The following MDGA2 variants were observed in gnomAD, a reference collection of about 807,000 sequenced individuals.
MDGA2 encodes MAM domain-containing glycosylphosphatidylinositol anchor protein 2.
MDGA2 carries 40 observed loss-of-function variants against 117.8 expected under a neutral mutation model. The observed-to-expected ratio is 0.34, with a 90% CI of 0.26 to 0.44. The LOEUF (loss-of-function observed/expected upper bound fraction) is 0.44, where lower values mean the gene tolerates loss of function less well. Among genes scored for constraint, MDGA2 ranks in the 20% least tolerant of loss-of-function variants. MDGA2 has a pLI of 1.00. For synonymous variants in MDGA2, 452 were observed against 439.0 expected (o/e 1.03, Z -0.37); for missense variants, 1,123 against 1,250.6 (o/e 0.90, Z 1.54).
At chr14:47,082,696 G>A (rs747040065) in intron 6 of MDGA2, among the ~76,000 whole-genome samples, 1 of 151,926 alleles carries the variant, frequency 6.6e-6, no homozygotes, top group African/African-American at 2.4e-5. Flanking sequence ...TAAAAAATAA[G>A]ACTTGTCAAG....
Position 47,147,504 on chromosome 14 carries a change from G to C in MDGA2, c.596-3230C>G, listed in dbSNP as rs191435902. ...CAAAGGGGCTAAGCCTTTATACACC[G>C]ACCACCTCCCCTATCAACAGGTCAT... On this transcript the variant is annotated intron_variant, in intron 3 of 16. Coordinates refer to ENST00000399232, the MANE Select transcript of MDGA2 (RefSeq NM_001113498.3). Among the ~76,000 whole-genome samples the C allele has an allele frequency of 1.4e-3, 218 of 152,216 alleles. 1 individual carries two copies. The highest frequency in any genetic ancestry group is 4.9e-3 in the African/African-American group (203 of 41,538).
At chr14:46,866,707 C>A (rs1412488522) in intron 14 of MDGA2, among the ~76,000 whole-genome samples, 10 of 150,216 alleles carry the variant, frequency 6.7e-5, no homozygotes, top group African/African-American at 1.5e-4. Context: ...AAAAAAAAAA[C>A]AACCCCATCA....
At chr14:47,448,950 T>C (rs1270807558) in intron 1 of MDGA2, among the ~76,000 whole-genome samples, 1 of 152,138 alleles carries the variant, frequency 6.6e-6, no homozygotes, top group Non-Finnish European at 1.5e-5. Flanking sequence ...AACTGGTTGC[T>C]GATATGAGGA....
intron 7 of MDGA2, among the ~76,000 whole-genome samples, chr14:47,052,236 G>A (rs1041540186): frequency 1.3e-5 from 2 of 151,698 alleles, no homozygotes; most frequent in African/African-American, 4.8e-5. Context: ...AAGAAAGAAG[G>A]GCACAGGAAG....
At chr14:47,577,926 AC>A (rs1270197823) in intron 1 of MDGA2, among the ~76,000 whole-genome samples, 1 of 152,194 alleles carries the variant, frequency 6.6e-6, no homozygotes, top group African/African-American at 2.4e-5. Flanking sequence ...CTGGGTATAT[AC>A]CCAAAGGAAT....
chr14:47,211,400 A>C (rs540186635), intron 3 of MDGA2, among the ~76,000 whole-genome samples: 1 of 152,146 alleles, frequency 6.6e-6, no homozygotes, highest in Non-Finnish European at 1.5e-5. Flanking sequence ...CCTCAAAAGT[A>C]TGTGCTTCCT....
At chr14:47,057,701 C>T (rs1246883694) in intron 7 of MDGA2, among the ~76,000 whole-genome samples, 9 of 149,886 alleles carry the variant, frequency 6.0e-5, no homozygotes, top group Non-Finnish European at 1.5e-5. Flanking sequence ...ATCTGCCTTG[C>T]CTTGCCTTAC....
At chr14:47,400,680 C>T (rs1260817555) in intron 1 of MDGA2, among the ~76,000 whole-genome samples, 1 of 148,150 alleles carries the variant, frequency 6.7e-6, no homozygotes, top group East Asian at 2.0e-4. Context: ...AGCAAGACTC[C>T]GTCTCGAAAC....
At position 47,164,076 on chromosome 14, in the gene MDGA2, T is replaced by C. The variant is rs527538648; in HGVS notation, c.596-19802A>G. 7.2e-5 allele frequency among the ~76,000 whole-genome samples: 11 copies of C among 152,352 alleles called. No homozygotes were observed. The East Asian group carries it at 1.9e-3, about 27-fold the overall frequency. On this transcript the variant is annotated intron_variant, in intron 3 of 16. Coordinates refer to ENST00000399232, the MANE Select transcript of MDGA2 (RefSeq NM_001113498.3). Reference sequence around the variant, plus strand: ...ACTTTTACTTATTTATTTGTTTAGTTAGTAGGTGAGTCAGTAAGTTAGTTG... The same window carrying C: ...ACTTTTACTTATTTATTTGTTTAGTCAGTAGGTGAGTCAGTAAGTTAGTTG...
chr14:47,372,371 A>G (rs1174011159), intron 1 of MDGA2, among the ~76,000 whole-genome samples: 1 of 151,942 alleles, frequency 6.6e-6, no homozygotes, highest in Non-Finnish European at 1.5e-5. Flanking sequence ...GCTCCAATAA[A>G]TTGTAGGAAG....
intron 1 of MDGA2, among the ~76,000 whole-genome samples, chr14:47,469,552 G>A (rs4900770): frequency 0.46 from 69,362 of 151,582 alleles, 16,065 homozygotes; most frequent in East Asian, 0.61. Context: ...CCAGTCTATC[G>A]TTGTTGGACA....
chr14:47,168,335 A>G (rs1300684647), intron 3 of MDGA2, among the ~76,000 whole-genome samples: 1 of 150,832 alleles, frequency 6.6e-6, no homozygotes, highest in Non-Finnish European at 1.5e-5. Context: ...ATTAAATGTC[A>G]GTTTAATTTT....
At chr14:47,360,883 G>A (rs1407978423) in intron 1 of MDGA2, among the ~76,000 whole-genome samples, 2 of 151,992 alleles carry the variant, frequency 1.3e-5, no homozygotes, top group South Asian at 4.1e-4. Context: ...GATACAGAAA[G>A]GAAAAGGTTG....
At chr14:47,080,899 A>C (rs916801348) in intron 6 of MDGA2, among the ~76,000 whole-genome samples, 5 of 152,076 alleles carry the variant, frequency 3.3e-5, no homozygotes, top group African/African-American at 1.2e-4. Context: ...TATATTAAAA[A>C]CCATTATTTC....
intron 3 of MDGA2, among the ~76,000 whole-genome samples, chr14:47,214,343 A>G (rs369786877): frequency 6.6e-6 from 1 of 152,136 alleles, no homozygotes; most frequent in Admixed American, 6.6e-5. Context: ...TATAAAATCT[A>G]CCAGCCTATA....
intron 10 of MDGA2, among the ~76,000 whole-genome samples, chr14:46,896,417 C>T (rs912211504): frequency 1.3e-5 from 2 of 152,104 alleles, no homozygotes; most frequent in Non-Finnish European, 2.9e-5. Flanking sequence ...GTAATATTTT[C>T]TTCTCATAGA....
At position 46,939,637 on chromosome 14, in the gene MDGA2, C is replaced by T. The variant is rs528172517; in HGVS notation, c.2089+17737G>A. ...AGACAGAACAAAATGTTTTAAGGCA[C>T]TTTTGTTGTTAGTTGCTGTATTTGT... On this transcript the variant is annotated intron_variant, in intron 9 of 16. Coordinates refer to ENST00000399232, the MANE Select transcript of MDGA2 (RefSeq NM_001113498.3). Among the ~76,000 whole-genome samples the T allele has an allele frequency of 1.1e-4, 16 of 152,276 alleles. No homozygotes were observed. The South Asian group carries it at 3.1e-3, about 30-fold the overall frequency.
Position 47,390,073 on chromosome 14 carries a change from G to A in MDGA2, c.281-88523C>T, listed in dbSNP as rs1162247415. Among the ~76,000 whole-genome samples, 7 of 152,118 alleles carry A rather than the reference G, an allele frequency of 4.6e-5. No individual in the cohort carries two copies. The South Asian group carries it at 8.3e-4, about 18-fold the overall frequency. On this transcript the variant is annotated intron_variant, in intron 1 of 16. Coordinates refer to ENST00000399232, the MANE Select transcript of MDGA2 (RefSeq NM_001113498.3). ...CTTAGTTGTGCCCCTCCTGTAATCCGTAGAACTTCAGCATTTGAGGTGTTG... is the reference window on the plus strand; with the variant it reads ...CTTAGTTGTGCCCCTCCTGTAATCCATAGAACTTCAGCATTTGAGGTGTTG...
At chr14:47,529,297 C>G (rs758338844) in intron 1 of MDGA2, among the ~76,000 whole-genome samples, 26 of 152,108 alleles carry the variant, frequency 1.7e-4, no homozygotes, top group Non-Finnish European at 3.4e-4. Flanking sequence ...TCAACTCTAT[C>G]CTTTCTTAGA....
Sources: gnomAD v4.1 joint callset for allele counts (sites outside exome capture counted in the v4.1 genomes callset) on GRCh38, gnomAD v4.1.1 for gene constraint, MANE v1.5 for transcripts, NCBI Gene and HGNC (gene_info 2026-07-23, HGNC 2026-07-21) for gene names.